FIP1L1: variants seen among roughly 807,000 people sequenced by gnomAD.
FIP1L1 encodes the protein pre-mRNA 3'-end-processing factor FIP1.
In FIP1L1, 21 loss-of-function variants were observed where a neutral mutation model predicts 84.6. The ratio of observed to expected loss-of-function variants is 0.25; its 90% CI spans 0.18 to 0.36. The LOEUF is 0.36. Ranked by LOEUF, FIP1L1 falls within the 10% of genes least tolerant of loss-of-function variation. FIP1L1 has a pLI of 1.00. For synonymous variants in FIP1L1, 263 were observed against 242.3 expected, an observed-to-expected ratio of 1.09 and a Z score of -0.80; for missense variants, 526 against 751.1, an observed-to-expected ratio of 0.70 and a Z score of 3.50.
Position 53,459,636 on chromosome 4 carries a change from T to C in FIP1L1, c.*187T>C, listed in dbSNP as rs1333424638. The C allele has an allele frequency of 5.2e-6, 4 of 772,490 alleles. No homozygotes were observed. The highest frequency in any genetic ancestry group is 8.3e-6 in the Non-Finnish European group (4 of 483,588). The allele number at this position is 772,490 out of a possible 1,614,324, so 47.9% of individuals were successfully genotyped here. ...TAAGTTAAAAATCTTTGTCTTGTACTATTTCAAAAATAAAAAGACAGCAAT... is the reference window on the plus strand; with the variant it reads ...TAAGTTAAAAATCTTTGTCTTGTACCATTTCAAAAATAAAAAGACAGCAAT... On this transcript the variant is annotated 3_prime_UTR_variant, in exon 18 of 18. Transcript: ENST00000337488.
intron 10 of FIP1L1, among the ~76,000 whole-genome samples, chr4:53,405,518 A>C (rs1310744478): frequency 2.7e-5 from 4 of 150,842 alleles, no homozygotes; most frequent in South Asian, 2.1e-4. Context: ...TATGAACTTT[A>C]AAGTAGTTTT....
chr4:53,434,634 G>C (rs1396302253), intron 13 of FIP1L1, among the ~76,000 whole-genome samples: 1 of 152,086 alleles, frequency 6.6e-6, no homozygotes, highest in Non-Finnish European at 1.5e-5. Context: ...GCCACACCTG[G>C]CTAATTTTGT....
At position 53,389,893 on chromosome 4, in the gene FIP1L1, T is replaced by C. The variant is rs1396254531; in HGVS notation, c.397+20T>C. On this transcript the variant is annotated intron_variant, in intron 6 of 17. Coordinates refer to ENST00000337488, the MANE Select transcript of FIP1L1 (RefSeq NM_030917.4). ...CTACAGGTAAAATTTGTATTTTCTG[T>C]TGCATCAATAGGGAAATAAGGCACA... The C allele has an allele frequency of 1.9e-6, 3 of 1,571,764 alleles. No individual in the cohort carries two copies. The highest frequency in any genetic ancestry group is 1.9e-5 in the Admixed American group (1 of 53,166).
intron 16 of FIP1L1, among the ~76,000 whole-genome samples, chr4:53,456,672 C>T (rs189344151): frequency 6.6e-6 from 1 of 152,218 alleles, no homozygotes; most frequent in African/African-American, 2.4e-5. Flanking sequence ...GAAGGCTGGT[C>T]ATTCTAGGAT....
chr4:53,438,690 GATTAAC>G (rs1329996598), intron 13 of FIP1L1, among the ~76,000 whole-genome samples: 2 of 152,148 alleles, frequency 1.3e-5, no homozygotes, highest in African/African-American at 4.8e-5. Flanking sequence ...GCTGTAGTAA[GATTAAC>G]ATTAAAGGCA....
chr4:53,457,208 G>A (rs1437255110), intron 16 of FIP1L1, among the ~76,000 whole-genome samples: 1 of 152,116 alleles, frequency 6.6e-6, no homozygotes, highest in Non-Finnish European at 1.5e-5. Flanking sequence ...GAGGTTTAGA[G>A]AGGTAATAGG....
At chr4:53,451,735 T>C (rs1288681744) in intron 15 of FIP1L1, among the ~76,000 whole-genome samples, 1 of 152,132 alleles carries the variant, frequency 6.6e-6, no homozygotes, top group African/African-American at 2.4e-5. Flanking sequence ...TTTAGTTTTC[T>C]TCTTTTTTAA....
In FIP1L1 at chr4:53,435,766, G is replaced by A. The variant is rs527538528; in HGVS notation, c.1175-6887G>A. ...GTTTTAATTATGAAATAATGGTTTTGCCATATTCTTTCTACATTCTGGTTT... is the reference window on the plus strand; with the variant it reads ...GTTTTAATTATGAAATAATGGTTTTACCATATTCTTTCTACATTCTGGTTT... On this transcript the variant is annotated intron_variant, in intron 13 of 17. Coordinates refer to ENST00000337488, the MANE Select transcript of FIP1L1 (RefSeq NM_030917.4). Among the ~76,000 whole-genome samples the A allele has an allele frequency of 9.2e-5, 14 of 152,088 alleles. No homozygotes were observed. In the East Asian group the frequency reaches 2.5e-3, roughly 27 times the overall value.
At chr4:53,423,691 G>A (rs1763270301) in intron 11 of FIP1L1, among the ~76,000 whole-genome samples, 1 of 152,144 alleles carries the variant, frequency 6.6e-6, no homozygotes, top group East Asian at 1.9e-4. Context: ...GGCACAAGGA[G>A]ATGTTTTGAA....
Position 53,459,924 on chromosome 4 carries a change from AT to A in FIP1L1, c.*480del. ...GCTTAGTATATTAAGAGACTCATAC[AT>A]TTTTGATATCACAACTTTTTGATGG... On this transcript the variant is annotated 3_prime_UTR_variant, in exon 18 of 18. Coordinates refer to ENST00000337488, the MANE Select transcript of FIP1L1 (RefSeq NM_030917.4). 4.6e-6 allele frequency: 1 copy of A among 218,942 alleles called. No homozygotes were observed. Among genetic ancestry groups the A allele is most frequent in the Non-Finnish European group, 9.2e-6 (1 of 108,962 alleles). 13.6% of individuals were successfully genotyped at this position (218,942 alleles called of 1,614,324 possible). A position where few individuals can be genotyped will look rare whatever the true frequency, so the allele number is the denominator to read the frequency against.
At chr4:53,442,603 C>A in intron 13 of FIP1L1, 50 bp from the exon 14 acceptor site, 2 of 1,269,734 alleles carry the variant, frequency 1.6e-6, no homozygotes, top group Non-Finnish European at 2.3e-6. Flanking sequence ...TCACTCTTGA[C>A]ATTAAGTGTA....
intron 13 of FIP1L1, among the ~76,000 whole-genome samples, chr4:53,431,371 T>TAA (rs1766577927): frequency 6.6e-6 from 1 of 152,232 alleles, no homozygotes; most frequent in South Asian, 2.1e-4. Flanking sequence ...GGATTCTTTT[T>TAA]AAAGTATTGC....
At chr4:53,399,488 C>T (rs1256148109) in intron 9 of FIP1L1, among the ~76,000 whole-genome samples, 1 of 152,098 alleles carries the variant, frequency 6.6e-6, no homozygotes, top group African/African-American at 2.4e-5. Context: ...ACAGTTTATT[C>T]GGCTTCTAAG....
chr4:53,404,524 C>A (rs1469483245), intron 10 of FIP1L1, among the ~76,000 whole-genome samples: 3 of 151,924 alleles, frequency 2.0e-5, no homozygotes, highest in Non-Finnish European at 2.9e-5. Flanking sequence ...TGCGTATATA[C>A]CCAGTAATGG....
intron 5 of FIP1L1, 52 bp downstream of exon 5, chr4:53,383,928 G>A (rs745629357): frequency 3.3e-6 from 5 of 1,531,656 alleles, no homozygotes; most frequent in Non-Finnish European, 4.4e-6. Flanking sequence ...ATAGTAAGGA[G>A]AGTGTGCCTA....
Position 53,389,822 on chromosome 4 carries a change from G to T in FIP1L1, c.346G>T (p.Ala116Ser). The change falls in exon 6 of 18, where the codon GCA (alanine) becomes TCA (serine). Residue 116 changes from alanine to serine, a missense_variant. Transcript: ENST00000337488. Reference sequence around the variant, plus strand: ...GTTTGTTTTTAGGAGTTATGGTACAGCACCTGTAAATCTTAACATCAAGAC... The same window carrying T: ...GTTTGTTTTTAGGAGTTATGGTACATCACCTGTAAATCTTAACATCAAGAC... ...GAPQYGSYGT[A>S]PVNLNIKTGG... is the part of the protein sequence containing the mutation. 1 of 1,603,046 alleles carries T rather than the reference G, an allele frequency of 6.2e-7. No individual in the cohort carries two copies. Among genetic ancestry groups the T allele is most frequent in the Non-Finnish European group, 8.5e-7 (1 of 1,176,432 alleles).
intron 10 of FIP1L1, among the ~76,000 whole-genome samples, chr4:53,409,645 A>T (rs1202740722): frequency 6.6e-6 from 1 of 152,194 alleles, no homozygotes; most frequent in East Asian, 1.9e-4. Flanking sequence ...GGCTCCACCC[A>T]GTTGGAGTTT....
intron 15 of FIP1L1, among the ~76,000 whole-genome samples, chr4:53,448,452 C>A (rs1315965146): frequency 4.6e-5 from 7 of 152,050 alleles, no homozygotes; most frequent in African/African-American, 1.4e-4. Context: ...CTGAACTTAG[C>A]AAGTTCCATG....
chr4:53,457,018 GT>G (rs1307087568), intron 16 of FIP1L1, among the ~76,000 whole-genome samples: 1 of 152,098 alleles, frequency 6.6e-6, no homozygotes, highest in African/African-American at 2.4e-5. Flanking sequence ...TATGGTGCTA[GT>G]TTATTCTACT....
Sources: allele counts gnomAD v4.1 joint callset (sites outside exome capture counted in the v4.1 genomes callset), GRCh38; gene constraint gnomAD v4.1.1; transcripts MANE v1.5; gene names NCBI Gene and HGNC (gene_info 2026-07-23, HGNC 2026-07-21).